Variants in PPP2R1B observed in about 807,000 individuals in gnomAD.
PPP2R1B encodes protein phosphatase 2 scaffold subunit Abeta, also known as serine/threonine-protein phosphatase 2A 65 kDa regulatory subunit A beta isoform.
In PPP2R1B, 58 loss-of-function variants were observed where a neutral mutation model predicts 72.7. That is an observed-to-expected ratio of 0.80 (90% CI 0.65 to 0.99). The LOEUF is 0.99. Among genes scored for constraint, PPP2R1B ranks in the 50% least tolerant of loss-of-function variants. The pLI, the probability that PPP2R1B is intolerant of heterozygous loss-of-function variation, is 0.00. For synonymous variants in PPP2R1B, 256 were observed against 264.6 expected (o/e 0.97, Z 0.32); for missense variants, 695 against 733.6 (o/e 0.95, Z 0.61).
intron 3 of PPP2R1B, among the ~76,000 whole-genome samples, chr11:111,764,307 G>A (rs1375503650): frequency 6.6e-6 from 1 of 151,496 alleles, no homozygotes; most frequent in Non-Finnish European, 1.5e-5. Context: ...TCAGCCTCCT[G>A]AGTAGCTGGT....
At chr11:111,688,381 T>C in the PPP2R1B span, among the ~76,000 whole-genome samples, 7 of 152,344 alleles carry the variant, frequency 4.6e-5, no homozygotes, top group African/African-American at 1.7e-4. The surrounding 1 kb of genome is among the most constrained non-coding windows in gnomAD (Gnocchi z 4.2). Flanking sequence ...ATCTGGGGTC[T>C]GATGTGTCCA....
Position 111,738,505 on chromosome 11 carries a change from T to C in PPP2R1B, c.*3091A>G. 1 of 985,472 alleles carries C rather than the reference T, an allele frequency of 1.0e-6. No individual in the cohort carries two copies. Among genetic ancestry groups the C allele is most frequent in the Non-Finnish European group, 1.2e-6 (1 of 829,948 alleles). The allele number at this position is 985,472 out of a possible 1,614,324, so 61.0% of individuals were successfully genotyped here. A position where few individuals can be genotyped will look rare whatever the true frequency, so the allele number is the denominator to read the frequency against. The stretch of plus-strand genomic sequence containing the variant: ...GTCAGGAAGGACAGGCTTGCTTCCC[T>C]GGAAGTCTACGCAAGCAACCTGAAT... On this transcript the variant is annotated 3_prime_UTR_variant, in exon 15 of 15. Coordinates refer to ENST00000527614, the MANE Select transcript of PPP2R1B (RefSeq NM_002716.5).
At position 111,742,265 on chromosome 11, in the gene PPP2R1B, C is replaced by G. The variant is rs569679397; in HGVS notation, c.1698-121G>C. ...GTAAAAAAATAAAGACATTTATAAA[C>G]TTGACAAATACACAAAATAATGTCT... On this transcript the variant is annotated intron_variant, in intron 13 of 14. Transcript: ENST00000527614. The G allele has an allele frequency of 1.8e-5, 16 of 874,550 alleles. No homozygotes were observed. The African/African-American group carries it at 2.2e-4, about 12-fold the overall frequency. 54.2% of individuals were successfully genotyped at this position (874,550 alleles called of 1,614,324 possible).
At chr11:111,716,826 AAAG>A in the PPP2R1B span, among the ~76,000 whole-genome samples, 2 of 152,202 alleles carry the variant, frequency 1.3e-5, no homozygotes, top group African/African-American at 4.8e-5. Context: ...ACCTGCATGA[AAAG>A]AAACACTGAA....
the PPP2R1B span, among the ~76,000 whole-genome samples, chr11:111,695,611 C>G: frequency 1.3e-5 from 2 of 152,130 alleles, no homozygotes; most frequent in African/African-American, 4.8e-5. Flanking sequence ...GTCTGGAGAC[C>G]AGCAGCATGA....
At chr11:111,691,575 C>T in the PPP2R1B span, among the ~76,000 whole-genome samples, 2 of 152,316 alleles carry the variant, frequency 1.3e-5, no homozygotes, top group East Asian at 3.9e-4. Flanking sequence ...TGTGTCACTT[C>T]TTCCTAAAGG....
chr11:111,730,474 T>C (rs1402390825), intron 15 of PPP2R1B: 1 of 152,252 alleles, frequency 6.6e-6, no homozygotes, highest in Non-Finnish European at 1.5e-5. Flanking sequence ...CTGCACTTTG[T>C]AGAAAGGGCA....
chr11:111,708,552 C>T, the PPP2R1B span, among the ~76,000 whole-genome samples: 1 of 151,846 alleles, frequency 6.6e-6, no homozygotes, highest in East Asian at 1.9e-4. Flanking sequence ...ATTTTTTTCT[C>T]ATACATTCTA....
chr11:111,761,296 A>G (rs1229421190), intron 3 of PPP2R1B: 17 of 635,178 alleles, frequency 2.7e-5, no homozygotes, highest in Non-Finnish European at 4.4e-5. Context: ...TGGTGTCTAC[A>G]AATGACACAG....
chr11:111,752,364 T>A (rs4936675), intron 9 of PPP2R1B, 32 bp from the exon 10 acceptor site: 1,074,036 of 1,556,462 alleles, frequency 0.69, 373,218 homozygotes, highest in African/African-American at 0.9. Flanking sequence ...AAGACCACAT[T>A]TAAAAATCAA....
the PPP2R1B span, among the ~76,000 whole-genome samples, chr11:111,713,545 T>C: frequency 6.6e-6 from 1 of 152,190 alleles, no homozygotes; most frequent in Non-Finnish European, 1.5e-5. Context: ...TTTCCTGTCT[T>C]TTTAGCCTCT....
At chr11:111,731,872 C>T (rs1452041928) in intron 15 of PPP2R1B, among the ~76,000 whole-genome samples, 2 of 152,226 alleles carry the variant, frequency 1.3e-5, no homozygotes, top group East Asian at 3.8e-4. Context: ...AATGTTTTCC[C>T]TTTCCCACCA....
the PPP2R1B span, among the ~76,000 whole-genome samples, chr11:111,719,405 AAAC>A: frequency 3.0e-4 from 45 of 149,826 alleles, no homozygotes; most frequent in African/African-American, 9.0e-4. Context: ...AAAAAAAAAA[AAAC>A]AACTCATCTT....
chr11:111,723,094 T>C (rs1028754434), downstream of PPP2R1B, among the ~76,000 whole-genome samples: 1 of 152,200 alleles, frequency 6.6e-6, no homozygotes. Flanking sequence ...CTTACTATCA[T>C]GTGTGCCCAC....
chr11:111,750,982 G>A (rs1380226865), intron 10 of PPP2R1B, among the ~76,000 whole-genome samples: 3 of 152,122 alleles, frequency 2.0e-5, no homozygotes, highest in African/African-American at 4.8e-5. Flanking sequence ...GGTATTACAG[G>A]TGTGCACCTC....
the PPP2R1B span, among the ~76,000 whole-genome samples, chr11:111,720,282 G>A: frequency 1.3e-5 from 2 of 152,282 alleles, no homozygotes; most frequent in African/African-American, 4.8e-5. Flanking sequence ...AGATCTTACA[G>A]ATGCCACTTC....
the PPP2R1B span, chr11:111,720,579 C>T: frequency 6.2e-7 from 1 of 1,614,084 alleles, no homozygotes; most frequent in Non-Finnish European, 8.5e-7. Context: ...GGAAGACAAC[C>T]CTTCCCTTAA....
chr11:111,766,347 T>A lies in PPP2R1B; in HGVS notation c.15A>T (p.Ser5=). The change falls in exon 1 of 15, where the codon TCA becomes TCT. Residue 5 remains serine (S), a synonymous_variant. Transcript: ENST00000527614. ...CTGCTCCTGGGCCGGTCCCGAGCTCTGATGCGCCCGCCATGTTCTTTCTCC... is the reference window on the plus strand; with the variant it reads ...CTGCTCCTGGGCCGGTCCCGAGCTCAGATGCGCCCGCCATGTTCTTTCTCC... MAGA[S]ELGTGPGAAG... is the part of the protein sequence containing the mutation. 6.8e-7 allele frequency: 1 copy of A among 1,480,108 alleles called. No individual in the cohort carries two copies. The highest frequency in any genetic ancestry group is 9.0e-7 in the Non-Finnish European group (1 of 1,114,930). The allele number at this position is 1,480,108 out of a possible 1,614,324, so 91.7% of individuals were successfully genotyped here.
chr11:111,741,437 TAGAA>T lies in PPP2R1B; in HGVS notation c.*155_*158del, dbSNP rs1944515227. ...GTAAAAAACAATCCCATTTCATCTT[TAGAA>T]AGAATTAAGTCACTAAATGATTTCT... On this transcript the variant is annotated 3_prime_UTR_variant, in exon 15 of 15. Coordinates refer to ENST00000527614, the MANE Select transcript of PPP2R1B (RefSeq NM_002716.5). The T allele has an allele frequency of 7.0e-7, 1 of 1,433,940 alleles. No homozygotes were observed. Among genetic ancestry groups the T allele is most frequent in the Admixed American group, 3.1e-5 (1 of 31,880 alleles). 88.8% of individuals were successfully genotyped at this position (1,433,940 alleles called of 1,614,324 possible). A position where few individuals can be genotyped will look rare whatever the true frequency, so the allele number is the denominator to read the frequency against.
Sources: allele counts gnomAD v4.1 joint callset (sites outside exome capture counted in the v4.1 genomes callset), GRCh38; gene constraint gnomAD v4.1.1; non-coding constraint Gnocchi (gnomAD v3.1); transcripts MANE v1.5; gene names NCBI Gene and HGNC (gene_info 2026-07-23, HGNC 2026-07-21).